The following GPC6 variants were observed in gnomAD, a reference collection of about 807,000 sequenced individuals.
GPC6 encodes the protein glypican 6.
A neutral mutation model predicts 55.2 loss-of-function variants in GPC6; 14 were observed. That is an observed-to-expected ratio of 0.25 (90% confidence interval 0.17 to 0.40). GPC6 has a LOEUF of 0.40. Ranked by LOEUF, GPC6 falls within the 10% of genes least tolerant of loss-of-function variation. GPC6 has a pLI of 1.00. For synonymous variants in GPC6, 278 were observed against 259.6 expected, an observed-to-expected ratio of 1.07 and a Z score of -0.68; for missense variants, 641 against 708.5, an observed-to-expected ratio of 0.90 and a Z score of 1.08.
At chr13:93,658,842 T>C (rs1296524001) in intron 2 of GPC6, among the ~76,000 whole-genome samples, 1 of 151,856 alleles carries the variant, frequency 6.6e-6, no homozygotes, top group East Asian at 1.9e-4. Flanking sequence ...TTTCCTTCTT[T>C]TATGATATGA....
At chr13:93,930,833 G>T (rs984551739) in intron 3 of GPC6, among the ~76,000 whole-genome samples, 2 of 152,078 alleles carry the variant, frequency 1.3e-5, no homozygotes, top group Admixed American at 6.6e-5. Context: ...AAGAAAAGTG[G>T]TTTAATTGGT....
chr13:93,676,425 A>T (rs2139636527), intron 2 of GPC6, among the ~76,000 whole-genome samples: 1 of 151,860 alleles, frequency 6.6e-6, no homozygotes. Context: ...TCAAAAAAAT[A>T]AATAAGTAAA....
At chr13:94,386,710 A>G (rs1880427491) in intron 7 of GPC6, among the ~76,000 whole-genome samples, 1 of 152,238 alleles carries the variant, frequency 6.6e-6, no homozygotes, top group Non-Finnish European at 1.5e-5. Flanking sequence ...TGAAGTTTAT[A>G]AACTCAAGCC....
chr13:94,325,963 A>T lies in GPC6; in HGVS notation c.1152+19840A>T, dbSNP rs116229412. ...GTGGTCACATGGGGAAGCCAGTAAG[A>T]TAGCATCCAGCCAGGCATGCAGATT... On this transcript the variant is annotated intron_variant, in intron 6 of 8. Coordinates refer to ENST00000377047, the MANE Select transcript of GPC6 (RefSeq NM_005708.5). 2.7e-3 allele frequency among the ~76,000 whole-genome samples: 404 copies of T among 152,300 alleles called. 2 individuals are homozygous for T. The highest frequency in any genetic ancestry group is 8.7e-3 in the African/African-American group (361 of 41,558).
chr13:94,271,127 A>G (rs1330048927), intron 4 of GPC6, among the ~76,000 whole-genome samples: 1 of 151,010 alleles, frequency 6.6e-6, no homozygotes, highest in Non-Finnish European at 1.5e-5. Context: ...AGTAGCTGGG[A>G]CTACAGGCTC....
At chr13:93,663,592 A>G (rs1486557963) in intron 2 of GPC6, among the ~76,000 whole-genome samples, 1 of 152,210 alleles carries the variant, frequency 6.6e-6, no homozygotes, top group Non-Finnish European at 1.5e-5. Flanking sequence ...TTGAGATTTA[A>G]ATGCAATAAT....
At chr13:93,490,028 G>A (rs985721398) in intron 1 of GPC6, among the ~76,000 whole-genome samples, 3 of 150,674 alleles carry the variant, frequency 2.0e-5, no homozygotes, top group Non-Finnish European at 4.4e-5. Flanking sequence ...GTGAGAGAGG[G>A]CATCCCTGTC....
chr13:94,070,840 C>CT (rs1369589410), intron 4 of GPC6, among the ~76,000 whole-genome samples: 1 of 152,184 alleles, frequency 6.6e-6, no homozygotes, highest in African/African-American at 2.4e-5. Flanking sequence ...CAGATGGCCT[C>CT]TAGTGCGTCT....
intron 4 of GPC6, among the ~76,000 whole-genome samples, chr13:94,170,904 T>C (rs1328222312): frequency 6.6e-6 from 1 of 152,220 alleles, no homozygotes; most frequent in Non-Finnish European, 1.5e-5. Flanking sequence ...TTGTGTTGTT[T>C]TCTGCCTACT....
chr13:93,508,343 A>G (rs536052664), intron 1 of GPC6, among the ~76,000 whole-genome samples: 67 of 152,346 alleles, frequency 4.4e-4, no homozygotes, highest in Non-Finnish European at 7.5e-4. Flanking sequence ...GTCTGGGAGA[A>G]GAAGCTTCCT....
intron 3 of GPC6, among the ~76,000 whole-genome samples, chr13:93,941,945 T>A (rs984877286): frequency 6.6e-6 from 1 of 152,178 alleles, no homozygotes; most frequent in Non-Finnish European, 1.5e-5. Context: ...ACTCTTATTA[T>A]TTGTAGTCTT....
At chr13:93,292,075 G>A (rs549494309) in intron 1 of GPC6, among the ~76,000 whole-genome samples, 1 of 152,292 alleles carries the variant, frequency 6.6e-6, no homozygotes, top group East Asian at 1.9e-4. Flanking sequence ...AGGGTTGACA[G>A]TATTTCACAA....
At chr13:93,527,720 G>A (rs1182820164) in intron 1 of GPC6, among the ~76,000 whole-genome samples, 1 of 152,044 alleles carries the variant, frequency 6.6e-6, no homozygotes. Context: ...TGTTGGCCTC[G>A]CATCCCCCAT....
At chr13:93,912,503 G>A (rs1877040447) in intron 3 of GPC6, among the ~76,000 whole-genome samples, 1 of 152,120 alleles carries the variant, frequency 6.6e-6, no homozygotes, top group African/African-American at 2.4e-5. Flanking sequence ...CAGCAATTTG[G>A]GAGGCCAAGG....
intron 3 of GPC6, among the ~76,000 whole-genome samples, chr13:93,974,851 A>T (rs1880446249): frequency 6.6e-6 from 1 of 152,092 alleles, no homozygotes; most frequent in Non-Finnish European, 1.5e-5. Context: ...CCTTTATTTT[A>T]TACAAAATCA....
intron 4 of GPC6, among the ~76,000 whole-genome samples, chr13:94,165,414 G>A (rs1047170878): frequency 3.3e-5 from 5 of 151,956 alleles, no homozygotes; most frequent in African/African-American, 7.3e-5. Context: ...AACATCGTAT[G>A]TTCTCACTTG....
intron 3 of GPC6, among the ~76,000 whole-genome samples, chr13:93,930,253 TAAAGG>T (rs1162660697): frequency 0.013 from 1,907 of 142,488 alleles, 71 homozygotes; most frequent in African/African-American, 0.048. Context: ...GGAAGGTTTT[TAAAGG>T]TTATTGGAAA....
rs185379804 is a variant in GPC6, at chr13:93,682,387, G to A, written c.319+136966G>A. On this transcript the variant is annotated intron_variant, in intron 2 of 8. Coordinates refer to ENST00000377047, the MANE Select transcript of GPC6 (RefSeq NM_005708.5). ...CCCCCATCCAGCCATGAGTGCGACT[G>A]GACCCTTATGCGTACACACAAACCA... is the stretch of plus-strand genomic sequence containing the variant. Among the ~76,000 whole-genome samples the A allele has an allele frequency of 4.0e-4, 61 of 152,214 alleles. 1 individual carries two copies. The highest frequency in any genetic ancestry group is 3.4e-3 in the Middle Eastern group (1 of 294).
rs557695616 is a variant in GPC6, at chr13:93,273,575, A to G, written c.160+45959A>G. ...CGGGAGGCTGAGGCAGGAGAATGGC[A>G]TGAACCCGGGAGGCGGAGCTTGCAG... On this transcript the variant is annotated intron_variant, in intron 1 of 8. Coordinates refer to ENST00000377047, the MANE Select transcript of GPC6 (RefSeq NM_005708.5). Among the ~76,000 whole-genome samples the G allele has an allele frequency of 1.3e-3, 203 of 152,058 alleles. 1 individual carries two copies. Among genetic ancestry groups the G allele is most frequent in the East Asian group, 5.3e-3 (27 of 5,084 alleles).
Sources: gnomAD v4.1 joint callset for allele counts (sites outside exome capture counted in the v4.1 genomes callset) on GRCh38, gnomAD v4.1.1 for gene constraint, MANE v1.5 for transcripts, NCBI Gene and HGNC (gene_info 2026-07-23, HGNC 2026-07-21) for gene names.